The following PRKN variants were observed in gnomAD, a reference collection of about 807,000 sequenced individuals.
The protein encoded by PRKN is parkin RBR E3 ubiquitin protein ligase.
Under a neutral mutation model 59.5 loss-of-function variants are expected in PRKN, and 56 were observed. That is an observed-to-expected ratio of 0.94 (90% CI 0.76 to 1.18). The LOEUF (loss-of-function observed/expected upper bound fraction) is 1.18, where lower values mean the gene tolerates loss of function less well. Ranked by LOEUF, PRKN falls within the 50% of genes most tolerant of loss-of-function variation. The pLI, the probability that PRKN is intolerant of heterozygous loss-of-function variation, is 0.00. For missense variants in PRKN, 657 were observed against 596.4 expected, an observed-to-expected ratio of 1.10 and a Z score of -1.06; for synonymous variants, 250 against 222.1, an observed-to-expected ratio of 1.13 and a Z score of -1.12.
At chr6:162,580,505 G>A (rs1780748238) in intron 1 of PRKN, among the ~76,000 whole-genome samples, 1 of 151,670 alleles carries the variant, frequency 6.6e-6, no homozygotes, top group South Asian at 2.1e-4. Context: ...AGCAATTTAG[G>A]TGTGACCAAT....
At chr6:161,737,220 A>C (rs1163788682) in intron 7 of PRKN, among the ~76,000 whole-genome samples, 2 of 152,236 alleles carry the variant, frequency 1.3e-5, no homozygotes, top group African/African-American at 4.8e-5. Context: ...TCTGGCCTTC[A>C]CCAGGAAGGC....
intron 4 of PRKN, among the ~76,000 whole-genome samples, chr6:162,179,025 C>A (rs1783662609): frequency 2.0e-5 from 3 of 152,132 alleles, no homozygotes; most frequent in Non-Finnish European, 1.5e-5. Flanking sequence ...GTGTGTGCCA[C>A]CACACCTGAT....
chr6:161,438,079 C>T (rs963894426), intron 9 of PRKN, among the ~76,000 whole-genome samples: 1 of 152,062 alleles, frequency 6.6e-6, no homozygotes, highest in Non-Finnish European at 1.5e-5. Flanking sequence ...ATGCTATATT[C>T]CATGGGTTAA....
At chr6:162,434,269 A>C (rs1789671307) in intron 2 of PRKN, among the ~76,000 whole-genome samples, 1 of 152,208 alleles carries the variant, frequency 6.6e-6, no homozygotes, top group Non-Finnish European at 1.5e-5. Flanking sequence ...CACCAACTTT[A>C]TAAATCATGG....
intron 6 of PRKN, among the ~76,000 whole-genome samples, chr6:161,856,361 A>AAAATAAAT (rs113381073): frequency 0.028 from 4,116 of 149,412 alleles, 72 homozygotes; most frequent in South Asian, 0.072. Flanking sequence ...ATGCCATCTC[A>AAAATAAAT]AAATAAATAA....
chr6:161,898,753 A>G (rs1000816483), intron 6 of PRKN, among the ~76,000 whole-genome samples: 4 of 152,192 alleles, frequency 2.6e-5, no homozygotes, highest in African/African-American at 9.6e-5. Context: ...GTTTAATCAG[A>G]TGATAATTTT....
chr6:161,899,534 G>A (rs571595332), intron 6 of PRKN, among the ~76,000 whole-genome samples: 1 of 152,148 alleles, frequency 6.6e-6, no homozygotes, highest in Non-Finnish European at 1.5e-5. Context: ...GGGTTGAGGG[G>A]AATGTTTATT....
intron 3 of PRKN, among the ~76,000 whole-genome samples, chr6:162,224,351 C>T (rs753274373): frequency 2.0e-5 from 3 of 152,270 alleles, no homozygotes; most frequent in East Asian, 1.9e-4. Context: ...AGTCCATTCA[C>T]GTGCTGTACA....
At chr6:162,511,105 T>C (rs1777594922) in intron 1 of PRKN, among the ~76,000 whole-genome samples, 1 of 152,114 alleles carries the variant, frequency 6.6e-6, no homozygotes, top group Non-Finnish European at 1.5e-5. Context: ...ATGATTGAGA[T>C]CTTAAAGTTT....
intron 2 of PRKN, among the ~76,000 whole-genome samples, chr6:162,308,013 T>A (rs982200561): frequency 1.3e-5 from 2 of 152,180 alleles, no homozygotes; most frequent in African/African-American, 4.8e-5. Context: ...CAAACTCCCC[T>A]CTCCTGGCCA....
At chr6:161,660,526 T>C (rs1199328617) in intron 7 of PRKN, among the ~76,000 whole-genome samples, 4 of 152,144 alleles carry the variant, frequency 2.6e-5, no homozygotes, top group African/African-American at 9.7e-5. Flanking sequence ...GAAAAAATGG[T>C]GAGCTGGCAA....
chr6:161,986,581 G>A (rs1781445165), intron 5 of PRKN, among the ~76,000 whole-genome samples: 1 of 151,148 alleles, frequency 6.6e-6, no homozygotes, highest in Non-Finnish European at 1.5e-5. Context: ...AGTGGGGTGA[G>A]AACTAGGAGG....
At position 161,440,341 on chromosome 6, in the gene PRKN, C is replaced by T. The variant is rs1048999665; in HGVS notation, c.1084-53464G>A. Among the ~76,000 whole-genome samples, 3 of 152,168 alleles carry T rather than the reference C, an allele frequency of 2.0e-5. No homozygotes were observed. The highest frequency in any genetic ancestry group is 4.8e-5 in the African/African-American group (2 of 41,444). On this transcript the variant is annotated intron_variant, in intron 9 of 11. Coordinates refer to ENST00000366898, the MANE Select transcript of PRKN (RefSeq NM_004562.3). The surrounding 1 kb of genome is among the most constrained non-coding windows in gnomAD (Gnocchi z 4.1). ...TTTTTCACTGTCACACTACAGAGTG[C>T]CACTGGTGTCTAGCAGACAGAGGCC...
intron 4 of PRKN, among the ~76,000 whole-genome samples, chr6:162,117,800 A>C (rs1780736837): frequency 6.6e-6 from 1 of 152,196 alleles, no homozygotes; most frequent in Non-Finnish European, 1.5e-5. Flanking sequence ...CAAATATTTA[A>C]AAGTAAACAT....
chr6:161,696,909 A>G (rs1014021253), intron 7 of PRKN, among the ~76,000 whole-genome samples: 3 of 152,208 alleles, frequency 2.0e-5, no homozygotes, highest in Non-Finnish European at 4.4e-5. Flanking sequence ...AGAACTGTGC[A>G]TGACTCAGAA....
At chr6:161,732,196 C>T (rs1292026077) in intron 7 of PRKN, among the ~76,000 whole-genome samples, 2 of 151,878 alleles carry the variant, frequency 1.3e-5, no homozygotes, top group Non-Finnish European at 2.9e-5. Flanking sequence ...AAGCGATTCT[C>T]CTGCCTCAGC....
intron 3 of PRKN, among the ~76,000 whole-genome samples, chr6:162,223,548 T>C (rs569764678): frequency 6.6e-6 from 1 of 151,892 alleles, no homozygotes; most frequent in East Asian, 1.9e-4. Flanking sequence ...ATTAAATCAA[T>C]GCTTGATTAA....
intron 3 of PRKN, among the ~76,000 whole-genome samples, chr6:162,235,971 A>AAGAAAG (rs1309497397): frequency 1.0e-5 from 1 of 97,724 alleles, no homozygotes; most frequent in African/African-American, 5.8e-5. Flanking sequence ...GAAAGAAAGA[A>AAGAAAG]AGAAAGAAAG....
chr6:162,162,860 C>A (rs1583132101), intron 4 of PRKN, among the ~76,000 whole-genome samples: 1 of 147,650 alleles, frequency 6.8e-6, no homozygotes, highest in East Asian at 2.0e-4. Context: ...ATACAAAAAT[C>A]AGTGGGGCGT....
Sources: allele counts gnomAD v4.1 joint callset (sites outside exome capture counted in the v4.1 genomes callset), GRCh38; gene constraint gnomAD v4.1.1; non-coding constraint Gnocchi (gnomAD v3.1); transcripts MANE v1.5; gene names NCBI Gene and HGNC (gene_info 2026-07-23, HGNC 2026-07-21).